FER1L6: variants seen among roughly 807,000 people sequenced by gnomAD.
The protein encoded by FER1L6 is fer-1 like family member 6.
A neutral mutation model predicts 219.2 loss-of-function variants in FER1L6; 177 were observed. That is an observed-to-expected ratio of 0.81 (90% CI 0.71 to 0.91). FER1L6 has a LOEUF of 0.91. Ranked by LOEUF, FER1L6 falls within the 40% of genes least tolerant of loss-of-function variation. The pLI is 0.00. For synonymous variants in FER1L6, 768 were observed against 824.3 expected, an observed-to-expected ratio of 0.93 and a Z score of 1.17; for missense variants, 2,153 against 2,259.9, an observed-to-expected ratio of 0.95 and a Z score of 0.96.
intron 22 of FER1L6, among the ~76,000 whole-genome samples, chr8:124,052,179 G>T (rs778638412): frequency 6.6e-6 from 1 of 152,208 alleles, no homozygotes; most frequent in Non-Finnish European, 1.5e-5. Context: ...CCAGTCTTAA[G>T]TGAGAATCCT....
In FER1L6 at chr8:124,070,448, T is replaced by A; in HGVS notation, c.3835-19T>A. The stretch of plus-strand genomic sequence containing the variant: ...GGCTTTCCTTCCTCTTAGCACAATC[T>A]TCTCCCTTTTCCCTAAAGATATATG... On this transcript the variant is annotated intron_variant, in intron 29 of 40. Coordinates refer to ENST00000522917, the MANE Select transcript of FER1L6 (RefSeq NM_001039112.2). The A allele has an allele frequency of 6.2e-7, 1 of 1,612,082 alleles. No homozygotes were observed. Among genetic ancestry groups the A allele is most frequent in the Non-Finnish European group, 8.5e-7 (1 of 1,178,836 alleles).
At chr8:123,856,510 G>T (rs1488201851) in intron 1 of FER1L6, among the ~76,000 whole-genome samples, 3 of 151,248 alleles carry the variant, frequency 2.0e-5, no homozygotes, top group Non-Finnish European at 4.4e-5. Flanking sequence ...TAATCACACT[G>T]AGCTTCAATT....
chr8:123,871,066 T>A (rs1029937664), intron 1 of FER1L6, among the ~76,000 whole-genome samples: 1 of 152,220 alleles, frequency 6.6e-6, no homozygotes, highest in Non-Finnish European at 1.5e-5. Context: ...AGGAGACATT[T>A]TCTCACTTTT....
chr8:124,071,701 A>C, intron 31 of FER1L6, 70 bp downstream of exon 31: 1 of 1,527,668 alleles, frequency 6.5e-7, no homozygotes, highest in South Asian at 1.2e-5. Flanking sequence ...AATATATGGC[A>C]GACTGGGAGG....
At chr8:123,908,740 C>A (rs1435431571) in intron 1 of FER1L6, among the ~76,000 whole-genome samples, 1 of 151,996 alleles carries the variant, frequency 6.6e-6, no homozygotes, top group Non-Finnish European at 1.5e-5. Flanking sequence ...TAGGTAGAGG[C>A]AACAATGAAC....
intron 32 of FER1L6, among the ~76,000 whole-genome samples, chr8:124,078,631 T>G (rs550484862): frequency 6.6e-6 from 1 of 151,696 alleles, no homozygotes; most frequent in African/African-American, 2.4e-5. Context: ...CCCATGAATA[T>G]TGAGAGAGCA....
At chr8:123,992,625 T>A (rs1199659897) in intron 12 of FER1L6, among the ~76,000 whole-genome samples, 3 of 152,180 alleles carry the variant, frequency 2.0e-5, no homozygotes, top group Admixed American at 2.0e-4. Context: ...TAGATAATGG[T>A]CTATTGATTT....
chr8:124,061,992 TG>T lies in FER1L6; in HGVS notation c.3289del (p.Ala1097ProfsTer19). The stretch of plus-strand genomic sequence containing the variant: ...TTTTGTGTAAACTCAGAGAGCCCCT[TG>T]CCCCCATCACACAGGTGGATGGAAC... Reference protein sequence around the residue: ...QFLCKLREPLAPITQVDGTQP... With the variant: ...QFLCKLREPLXPITQVDGTQP... On this transcript the variant is annotated frameshift_variant, in exon 25 of 41. Coordinates refer to ENST00000522917, the MANE Select transcript of FER1L6 (RefSeq NM_001039112.2). LOFTEE classifies it high-confidence loss of function. 1 of 1,614,170 alleles carries T rather than the reference TG, an allele frequency of 6.2e-7. No homozygotes were observed. Among genetic ancestry groups the T allele is most frequent in the East Asian group, 2.2e-5 (1 of 44,874 alleles).
chr8:124,102,838 G>A (rs190089817), intron 38 of FER1L6, among the ~76,000 whole-genome samples: 4 of 152,332 alleles, frequency 2.6e-5, no homozygotes, highest in Non-Finnish European at 4.4e-5. Flanking sequence ...TTAGGGAGCA[G>A]AGGAGGTGGT....
intron 1 of FER1L6, among the ~76,000 whole-genome samples, chr8:123,893,691 T>C: frequency 6.6e-6 from 1 of 152,196 alleles, no homozygotes; most frequent in East Asian, 1.9e-4. Context: ...CCCAGAGCTT[T>C]GACTAAAATG....
At position 124,111,565 on chromosome 8, in the gene FER1L6, GC is replaced by G. The variant is rs930526967; in HGVS notation, c.5290-7275del. Among the ~76,000 whole-genome samples the G allele has an allele frequency of 1.3e-5, 2 of 152,232 alleles. No individual in the cohort carries two copies. Among genetic ancestry groups the G allele is most frequent in the African/African-American group, 4.8e-5 (2 of 41,474 alleles). The stretch of plus-strand genomic sequence containing the variant: ...GAATGGCTACTCCATAGACCGAGCA[GC>G]CCCAAGGGCTGCTAGTTGCTCATTT... On this transcript the variant is annotated intron_variant, in intron 39 of 40. Coordinates refer to ENST00000522917, the MANE Select transcript of FER1L6 (RefSeq NM_001039112.2). This position sits in a 1 kb window ranked among gnomAD's most constrained non-coding sequence, Gnocchi z 5.0.
At chr8:123,992,934 T>A (rs1285117966) in intron 12 of FER1L6, among the ~76,000 whole-genome samples, 1 of 152,224 alleles carries the variant, frequency 6.6e-6, no homozygotes, top group Non-Finnish European at 1.5e-5. Flanking sequence ...TTTTTAAATT[T>A]CCATCTTGAT....
At chr8:123,910,966 G>A (rs1813038874) in intron 1 of FER1L6, among the ~76,000 whole-genome samples, 1 of 152,070 alleles carries the variant, frequency 6.6e-6, no homozygotes, top group Non-Finnish European at 1.5e-5. Flanking sequence ...TAGTGGGATG[G>A]GCAGTGAGGT....
intron 32 of FER1L6, among the ~76,000 whole-genome samples, chr8:124,076,749 A>G (rs1821312552): frequency 6.6e-6 from 1 of 152,186 alleles, no homozygotes; most frequent in African/African-American, 2.4e-5. Context: ...GCCAAGGTCT[A>G]GGGAGGTTAA....
At chr8:123,924,141 A>G (rs1813471665) in intron 1 of FER1L6, among the ~76,000 whole-genome samples, 1 of 148,404 alleles carries the variant, frequency 6.7e-6, no homozygotes, top group Admixed American at 6.8e-5. Context: ...AGGCTGAGGC[A>G]GGAGAATTGC....
intron 31 of FER1L6, among the ~76,000 whole-genome samples, chr8:124,072,362 T>C (rs754805519): frequency 1.3e-5 from 2 of 152,218 alleles, no homozygotes; most frequent in Non-Finnish European, 2.9e-5. Context: ...ATGAAACTTT[T>C]CGGCCTCATT....
At chr8:124,088,011 C>T (rs950017936) in intron 33 of FER1L6, among the ~76,000 whole-genome samples, 1 of 152,188 alleles carries the variant, frequency 6.6e-6, no homozygotes, top group Middle Eastern at 3.2e-3. Flanking sequence ...ACAAACACAG[C>T]ACTAGGTCTT....
intron 11 of FER1L6, among the ~76,000 whole-genome samples, chr8:123,981,910 T>C (rs1816341261): frequency 6.6e-6 from 1 of 152,168 alleles, no homozygotes; most frequent in Non-Finnish European, 1.5e-5. Context: ...AAGTAGGCAA[T>C]GCATTTGTTG....
chr8:123,939,762 G>A (rs1202442951), intron 1 of FER1L6, among the ~76,000 whole-genome samples: 2 of 152,142 alleles, frequency 1.3e-5, no homozygotes, highest in South Asian at 4.1e-4. Flanking sequence ...GTCAGCGTGT[G>A]CTCCCTGTAG....
Sources: gnomAD v4.1 joint callset for allele counts (sites outside exome capture counted in the v4.1 genomes callset) on GRCh38, gnomAD v4.1.1 for gene constraint, Gnocchi (gnomAD v3.1) non-coding constraint, MANE v1.5 for transcripts, NCBI Gene and HGNC (gene_info 2026-07-23, HGNC 2026-07-21) for gene names.